Variants in MCM8 observed in about 807,000 individuals in gnomAD.
MCM8 encodes minichromosome maintenance 8 homologous recombination repair factor, also known as DNA helicase MCM8.
Under a neutral mutation model 98.9 loss-of-function variants are expected in MCM8, and 85 were observed. The observed-to-expected ratio is 0.86, with a 90% CI of 0.72 to 1.03. The LOEUF is 1.03. Among genes scored for constraint, MCM8 ranks in the 50% least tolerant of loss-of-function variants. MCM8 has a pLI of 0.00. For synonymous variants in MCM8, 352 were observed against 338.6 expected, an observed-to-expected ratio of 1.04 and a Z score of -0.44; for missense variants, 951 against 997.8, an observed-to-expected ratio of 0.95 and a Z score of 0.63.
intron 13 of MCM8, among the ~76,000 whole-genome samples, chr20:5,980,267 T>C (rs1468543282): frequency 6.6e-6 from 1 of 152,192 alleles, no homozygotes; most frequent in African/African-American, 2.4e-5. Context: ...TATTGTTTAC[T>C]TTTTTATTGC....
intron 13 of MCM8, among the ~76,000 whole-genome samples, chr20:5,982,701 ACCT>A (rs148076441): frequency 9.1e-4 from 139 of 152,286 alleles, no homozygotes; most frequent in Non-Finnish European, 1.6e-3. Context: ...AATTACTCTT[ACCT>A]CCTCTTCGTT....
rs2089548329 is a variant in MCM8 at position 5,977,939 on chromosome 20, C to G, written c.1459C>G (p.Leu487Val). 1.2e-6 allele frequency: 2 copies of G among 1,614,228 alleles called. No homozygotes were observed. Among genetic ancestry groups the G allele is most frequent in the East Asian group, 4.5e-5 (2 of 44,884 alleles). The change falls in exon 13 of 19, where the codon CTG (leucine) becomes GTG (valine). Residue 487 changes from leucine (L) to valine (V), a missense_variant. By Grantham distance (32) the Leu-to-Val change is conservative (BLOSUM62 1). Coordinates refer to ENST00000610722, the MANE Select transcript of MCM8 (RefSeq NM_032485.6). ...TGGTAACACCACGACCACCTCTGGT[C>G]TGACGGTAACTCTTTCAAAAGATAG... Reference protein sequence around the residue: ...VCGNTTTTSGLTVTLSKDSSS... With the variant: ...VCGNTTTTSGVTVTLSKDSSS...
chr20:5,994,641 G>A lies in MCM8; in HGVS notation c.*250G>A, dbSNP rs2089925423. Reference sequence around the variant, plus strand: ...GTCTCCAGATGCAGTAGCTCACACTGTAATCACAGTGACTCAGGAGGCTGA... The same window carrying A: ...GTCTCCAGATGCAGTAGCTCACACTATAATCACAGTGACTCAGGAGGCTGA... On this transcript the variant is annotated 3_prime_UTR_variant, in exon 19 of 19. Coordinates refer to ENST00000610722, the MANE Select transcript of MCM8 (RefSeq NM_032485.6). 4.2e-6 allele frequency: 2 copies of A among 476,714 alleles called. No homozygotes were observed. The highest frequency in any genetic ancestry group is 3.0e-5 in the Admixed American group (1 of 33,286). 29.5% of individuals were successfully genotyped at this position (476,714 alleles called of 1,614,324 possible). A position where few individuals can be genotyped will look rare whatever the true frequency, so the allele number is the denominator to read the frequency against.
chr20:5,975,728 C>T (rs1279413977), intron 12 of MCM8, among the ~76,000 whole-genome samples: 1 of 151,422 alleles, frequency 6.6e-6, no homozygotes, highest in African/African-American at 2.4e-5. Flanking sequence ...CATCTCCTGA[C>T]CTTGTGATCC....
rs1307300141 is a variant in MCM8 at position 5,973,197 on chromosome 20, G to A, written c.1395+1G>A. 6 of 1,613,620 alleles carry A rather than the reference G, an allele frequency of 3.7e-6. No homozygotes were observed. The highest frequency in any genetic ancestry group is 1.3e-5 in the African/African-American group (1 of 74,922). ...CCTAGGAAAAAGTCAAATGCTACAG[G>A]TAGACAATCAGTCATTTAGTGTTTG... On this transcript the variant is annotated splice_donor_variant, in intron 12 of 18. Coordinates refer to ENST00000610722, the MANE Select transcript of MCM8 (RefSeq NM_032485.6). LOFTEE classifies it high-confidence loss of function.
chr20:5,977,978 T>G lies in MCM8; in HGVS notation c.1498T>G (p.Phe500Val). The change falls in exon 13 of 19, where the codon TTT becomes GTT. Residue 500 changes from phenylalanine to valine, a missense_variant. By Grantham distance (50) the Phe-to-Val change is conservative. Transcript: ENST00000610722. The stretch of plus-strand genomic sequence containing the variant: ...TTCAAAAGATAGTTCCTCTGGAGAT[T>G]TTGCTTTGGAAGCTGGTGCCCTGGT... ...TLSKDSSSGDFALEAGALVLG... is the reference protein window; with the variant it reads ...TLSKDSSSGDVALEAGALVLG... 6.2e-7 allele frequency: 1 copy of G among 1,614,206 alleles called. No homozygotes were observed.
chr20:5,962,524 G>A lies in MCM8; in HGVS notation c.790-750G>A, dbSNP rs1261004153. On this transcript the variant is annotated intron_variant, in intron 7 of 18. Coordinates refer to ENST00000610722, the MANE Select transcript of MCM8 (RefSeq NM_032485.6). Reference sequence around the variant, plus strand: ...CGAGTAGCTGGGACTACAGGCGCCCGCCACCGCGCCCGGCTAATTTTTTGT... The same window carrying A: ...CGAGTAGCTGGGACTACAGGCGCCCACCACCGCGCCCGGCTAATTTTTTGT... 1.9e-5 allele frequency among the ~76,000 whole-genome samples: 2 copies of A among 107,390 alleles called. 1 individual carries two copies. Among genetic ancestry groups the A allele is most frequent in the African/African-American group, 1.5e-4 (2 of 13,050 alleles). 70.5% of individuals were successfully genotyped at this position (107,390 alleles called of 152,430 possible).
rs2088804646 is a variant in MCM8, at chr20:5,950,928, G to GCC, written c.-101_-100insCC. 1 of 152,280 alleles carries GCC rather than the reference G, an allele frequency of 6.6e-6. No individual in the cohort carries two copies. The highest frequency in any genetic ancestry group is 6.5e-5 in the Admixed American group (1 of 15,286). The allele number at this position is 152,280 out of a possible 1,614,324, so 9.4% of individuals were successfully genotyped here. A position where few individuals can be genotyped will look rare whatever the true frequency, so the allele number is the denominator to read the frequency against. ...AGCCCCGTGGTGCTTCTCTACGGGA[G>GCC]GGAGGGAGGGAGAATCCGGCCGGAC... On this transcript the variant is annotated 5_prime_UTR_variant, in exon 1 of 19. Coordinates refer to ENST00000610722, the MANE Select transcript of MCM8 (RefSeq NM_032485.6).
chr20:5,987,861 A>G (rs1205379153), intron 17 of MCM8, among the ~76,000 whole-genome samples: 6 of 152,168 alleles, frequency 3.9e-5, no homozygotes, highest in Admixed American at 3.9e-4. Flanking sequence ...GTTCTACGTA[A>G]GATACTTCAT....
chr20:5,963,246 G>T (rs775721636), intron 7 of MCM8, 28 bp from the exon 8 acceptor site: 29 of 1,535,170 alleles, frequency 1.9e-5, no homozygotes, highest in Middle Eastern at 1.7e-4. Flanking sequence ...ATCAAAATCT[G>T]AATGTGAATT....
chr20:5,958,431 G>T (rs991236122), intron 6 of MCM8, 97 bp from the exon 7 acceptor site: 9 of 863,126 alleles, frequency 1.0e-5, no homozygotes, highest in Non-Finnish European at 1.5e-5. Flanking sequence ...TCGAAGGGAT[G>T]ATTTGATTTG....
chr20:5,970,626 A>G (rs1489211392), intron 10 of MCM8, among the ~76,000 whole-genome samples: 1 of 152,224 alleles, frequency 6.6e-6, no homozygotes, highest in African/African-American at 2.4e-5. Context: ...GCCAGTAGGA[A>G]GCCGGAACAT....
chr20:5,983,011 C>T lies in MCM8; in HGVS notation c.1579C>T (p.His527Tyr). Residue 527 changes from histidine (H) to tyrosine (Y), a missense_variant, in exon 14 of 19, where the codon CAT becomes TAT. Coordinates refer to ENST00000610722, the MANE Select transcript of MCM8 (RefSeq NM_032485.6). ...IDEFDKMGNQ[H>Y]QALLEAMEQQ... Reference sequence around the variant, plus strand: ...TGAATTTGATAAGATGGGGAATCAACATCAAGCCTTGTTGGAAGCCATGGA... The same window carrying T: ...TGAATTTGATAAGATGGGGAATCAATATCAAGCCTTGTTGGAAGCCATGGA... 1 of 1,613,642 alleles carries T rather than the reference C, an allele frequency of 6.2e-7. No homozygotes were observed. The highest frequency in any genetic ancestry group is 1.3e-5 in the African/African-American group (1 of 75,026).
chr20:5,983,851 T>G (rs1343517129), intron 14 of MCM8, among the ~76,000 whole-genome samples: 1 of 152,240 alleles, frequency 6.6e-6, no homozygotes, highest in African/African-American at 2.4e-5. Context: ...GTCATACAAG[T>G]GCACAACGAT....
In MCM8 at chr20:5,954,615, C is replaced by T. The variant is rs752298258; in HGVS notation, c.261C>T (p.Ser87=). 13 of 1,602,018 alleles carry T rather than the reference C, an allele frequency of 8.1e-6. No homozygotes were observed. The highest frequency in any genetic ancestry group is 4.0e-5 in the African/African-American group (3 of 74,616). ...GWKLYFSEVY[S]DSSPLIEKIQ... ...CCATATTTGTTGGATTAGTTTACAGCGATAGCTCTCCTTTGATTGAGAAGA... is the reference window on the plus strand; with the variant it reads ...CCATATTTGTTGGATTAGTTTACAGTGATAGCTCTCCTTTGATTGAGAAGA... Residue 87 remains serine, a synonymous_variant, in exon 4 of 19, where the codon AGC becomes AGT. Transcript: ENST00000610722.
At chr20:5,973,279 A>G (rs1600276747) in intron 12 of MCM8, 83 bp downstream of exon 12, 1 of 1,552,216 alleles carries the variant, frequency 6.4e-7, no homozygotes, top group African/African-American at 1.4e-5. Context: ...CAAAGCATGT[A>G]GTGTGTGTGT....
chr20:5,960,323 C>G (rs2089109043), intron 7 of MCM8, among the ~76,000 whole-genome samples: 1 of 151,866 alleles, frequency 6.6e-6, no homozygotes, highest in Non-Finnish European at 1.5e-5. Flanking sequence ...TTCTGTTGCC[C>G]AGGCTGGAGT....
At chr20:5,993,226 AG>A (rs1418897330) in intron 17 of MCM8, among the ~76,000 whole-genome samples, 1 of 152,210 alleles carries the variant, frequency 6.6e-6, no homozygotes, top group Non-Finnish European at 1.5e-5. Context: ...AGAATGTCCC[AG>A]GTATTTATAT....
At chr20:5,970,796 T>C (rs1365060649) in intron 10 of MCM8, among the ~76,000 whole-genome samples, 3 of 152,192 alleles carry the variant, frequency 2.0e-5, no homozygotes, top group Non-Finnish European at 4.4e-5. Flanking sequence ...GTAAATGTAC[T>C]GTTTTATATT....
Sources: gnomAD v4.1 joint callset for allele counts (sites outside exome capture counted in the v4.1 genomes callset) on GRCh38, gnomAD v4.1.1 for gene constraint, MANE v1.5 for transcripts, NCBI Gene and HGNC (gene_info 2026-07-23, HGNC 2026-07-21) for gene names.